The following PXDN variants were observed in gnomAD, a reference collection of about 807,000 sequenced individuals.
PXDN encodes the protein peroxidasin homolog.
Under a neutral mutation model 140.3 loss-of-function variants are expected in PXDN, and 77 were observed. The ratio of observed to expected loss-of-function variants is 0.55; its 90% CI spans 0.46 to 0.66. PXDN has a LOEUF of 0.66. Ranked by LOEUF, PXDN falls within the 30% of genes least tolerant of loss-of-function variation. PXDN has a pLI of 0.00. For synonymous variants in PXDN, 911 were observed against 857.4 expected (o/e 1.06, Z -1.09); for missense variants, 1,838 against 2,039.5 (o/e 0.90, Z 1.90).
intron 14 of PXDN, among the ~76,000 whole-genome samples, chr2:1,658,796 CT>C (rs1229894553): frequency 2.9e-5 from 4 of 138,382 alleles, no homozygotes; most frequent in African/African-American, 1.1e-4. Flanking sequence ...GACCCCCCCA[CT>C]CTACTCTCCC....
intron 1 of PXDN, among the ~76,000 whole-genome samples, chr2:1,699,915 G>A (rs1040319361): frequency 1.3e-5 from 2 of 152,136 alleles, no homozygotes; most frequent in East Asian, 3.9e-4. Flanking sequence ...TCTTGCACTA[G>A]TCATGTAAGA....
At chr2:1,638,206 A>G (rs1682620674) in intron 21 of PXDN, among the ~76,000 whole-genome samples, 1 of 152,156 alleles carries the variant, frequency 6.6e-6, no homozygotes. Context: ...CAGCGGAGTG[A>G]GCGCACTTCC....
intron 1 of PXDN, among the ~76,000 whole-genome samples, chr2:1,733,075 T>G (rs1325445255): frequency 6.6e-6 from 1 of 151,910 alleles, no homozygotes; most frequent in East Asian, 1.9e-4. Flanking sequence ...TAACAAAAAA[T>G]TAAGCAATGG....
At position 1,689,395 on chromosome 2, in the gene PXDN, TC is replaced by T. The variant is rs1411203814; in HGVS notation, c.345-1693del. Among the ~76,000 whole-genome samples the T allele has an allele frequency of 2.0e-5, 3 of 152,326 alleles. No individual in the cohort carries two copies. The East Asian group carries it at 5.8e-4, about 29-fold the overall frequency. On this transcript the variant is annotated intron_variant, in intron 3 of 22. Transcript: ENST00000252804. Reference sequence around the variant, plus strand: ...ACCCATTTTAAAAAATGAAAGGGAATCTTTTTAAAGAATACACAGGACAACT... The same window carrying T: ...ACCCATTTTAAAAAATGAAAGGGAATTTTTTAAAGAATACACAGGACAACT...
chr2:1,697,237 T>A (rs1038626341), intron 1 of PXDN, among the ~76,000 whole-genome samples: 11 of 152,214 alleles, frequency 7.2e-5, no homozygotes, highest in African/African-American at 2.4e-4. Context: ...TATGTATATT[T>A]TTAAGTGTGC....
intron 8 of PXDN, among the ~76,000 whole-genome samples, chr2:1,675,544 C>G (rs892319404): frequency 6.6e-6 from 1 of 152,152 alleles, no homozygotes; most frequent in Non-Finnish European, 1.5e-5. Flanking sequence ...GGCTCCTTGT[C>G]CGGCACTGCA....
intron 14 of PXDN, among the ~76,000 whole-genome samples, chr2:1,657,003 C>G (rs183051339): frequency 7.8e-4 from 117 of 149,616 alleles, no homozygotes; most frequent in African/African-American, 2.8e-3. Flanking sequence ...CTGAGAACTG[C>G]CCTCTCCTGA....
At chr2:1,664,301 G>C (rs1442220383) in intron 11 of PXDN, 1 of 157,886 alleles carries the variant, frequency 6.3e-6, no homozygotes, top group African/African-American at 2.4e-5. Flanking sequence ...AGCTGGAGTG[G>C]CCAGGATGTC....
chr2:1,663,955 G>GT (rs1683370454), intron 11 of PXDN, 192 bp from the exon 12 acceptor site: 1 of 623,086 alleles, frequency 1.6e-6, no homozygotes, highest in African/African-American at 1.8e-5. Flanking sequence ...CCCTGCACCC[G>GT]TAACTCAGAC....
At chr2:1,678,606 A>T (rs2125438817) in intron 7 of PXDN, among the ~76,000 whole-genome samples, 1 of 152,338 alleles carries the variant, frequency 6.6e-6, no homozygotes, top group South Asian at 2.1e-4. Context: ...TGGAATGAAC[A>T]CCCATAGGAG....
At chr2:1,707,555 C>T (rs148920439) in intron 1 of PXDN, among the ~76,000 whole-genome samples, 26 of 152,314 alleles carry the variant, frequency 1.7e-4, no homozygotes, top group Non-Finnish European at 3.2e-4. Context: ...AATAATCAAC[C>T]CACACTTTTC....
chr2:1,741,403 C>T (rs1299440596), intron 1 of PXDN, among the ~76,000 whole-genome samples: 1 of 152,140 alleles, frequency 6.6e-6, no homozygotes, highest in Non-Finnish European at 1.5e-5. Flanking sequence ...AACAGCAAGG[C>T]CAAACCGCCG....
chr2:1,683,827 AT>A lies in PXDN; in HGVS notation c.489-101del, dbSNP rs1175867191. On this transcript the variant is annotated intron_variant, in intron 5 of 22. Coordinates refer to ENST00000252804, the MANE Select transcript of PXDN (RefSeq NM_012293.3). ...TCAAATATATATCAGCTTTAAAAAA[AT>A]CTCAGTGATTACATTTATTTAATAC... is the stretch of plus-strand genomic sequence containing the variant. 7 of 981,170 alleles carry A rather than the reference AT, an allele frequency of 7.1e-6. No individual in the cohort carries two copies. In the East Asian group the frequency reaches 1.1e-4, roughly 15 times the overall value. The allele number at this position is 981,170 out of a possible 1,614,324, so 60.8% of individuals were successfully genotyped here.
intron 14 of PXDN, among the ~76,000 whole-genome samples, chr2:1,656,711 C>T (rs1683144207): frequency 1.3e-5 from 2 of 150,122 alleles, no homozygotes. Flanking sequence ...CCGCCCCCAC[C>T]TGACTGAAAC....
At chr2:1,654,632 C>T (rs1444145600) in intron 14 of PXDN, 124 bp from the exon 15 acceptor site, 2 of 620,694 alleles carry the variant, frequency 3.2e-6, no homozygotes, top group South Asian at 2.6e-5. Context: ...TTCTATTTTT[C>T]AAACCCAAAC....
In PXDN at chr2:1,648,420, C is replaced by T; in HGVS notation, c.3360G>A (p.Gly1120=). The T allele has an allele frequency of 6.2e-7, 1 of 1,611,496 alleles. No homozygotes were observed. The highest frequency in any genetic ancestry group is 8.5e-7 in the Non-Finnish European group (1 of 1,179,870). Reference sequence around the variant, plus strand: ...GCATTTTCCCCGCCACCCCGAACAGCCCCCTGAGAAGCGGATCGATGCCGC... The same window carrying T: ...GCATTTTCCCCGCCACCCCGAACAGTCCCCTGAGAAGCGGATCGATGCCGC... ...NEGGIDPLLR[G]LFGVAGKMRV... is the part of the protein sequence containing the mutation. The change falls in exon 17 of 23, where the codon GGG becomes GGA. Residue 1120 remains glycine (G), a synonymous_variant. Transcript: ENST00000252804. This position sits in a 1 kb window ranked among gnomAD's most constrained non-coding sequence, Gnocchi z 8.9.
chr2:1,673,072 A>G (rs1460946773), intron 9 of PXDN, among the ~76,000 whole-genome samples: 1 of 152,226 alleles, frequency 6.6e-6, no homozygotes, highest in Non-Finnish European at 1.5e-5. Context: ...ATGGCCATGG[A>G]TAACACAGGT....
At chr2:1,698,333 C>A (rs1684343446) in intron 1 of PXDN, among the ~76,000 whole-genome samples, 1 of 152,146 alleles carries the variant, frequency 6.6e-6, no homozygotes, top group South Asian at 2.1e-4. Context: ...GCAGCACCTG[C>A]ACTTGGAGAA....
chr2:1,738,866 C>T (rs7589609), intron 1 of PXDN, among the ~76,000 whole-genome samples: 104,051 of 151,990 alleles, frequency 0.68, 36,029 homozygotes, highest in East Asian at 0.93. Context: ...AACTCTTACC[C>T]AGCTTTGAGA....
Sources: allele counts gnomAD v4.1 joint callset (sites outside exome capture counted in the v4.1 genomes callset), GRCh38; gene constraint gnomAD v4.1.1; non-coding constraint Gnocchi (gnomAD v3.1); transcripts MANE v1.5; gene names NCBI Gene and HGNC (gene_info 2026-07-23, HGNC 2026-07-21).